The following CADPS variants were observed in gnomAD, a reference collection of about 807,000 sequenced individuals.
CADPS encodes the protein calcium dependent secretion activator, also known as calcium-dependent secretion activator 1.
In CADPS, 57 loss-of-function variants were observed where a neutral mutation model predicts 167.3. That is an observed-to-expected ratio of 0.34 (90% CI 0.28 to 0.42). The LOEUF is 0.42. Among genes scored for constraint, CADPS ranks in the 20% least tolerant of loss-of-function variants. CADPS has a pLI of 1.00. For missense variants in CADPS, 1,414 were observed against 1,738.1 expected, an observed-to-expected ratio of 0.81 and a Z score of 3.32; for synonymous variants, 676 against 635.3, an observed-to-expected ratio of 1.06 and a Z score of -0.96.
chr3:62,813,306 A>G (rs2094468669), intron 1 of CADPS, among the ~76,000 whole-genome samples: 1 of 152,046 alleles, frequency 6.6e-6, no homozygotes, highest in Non-Finnish European at 1.5e-5. Flanking sequence ...CCAGAAATAA[A>G]GCCACACACC....
chr3:62,452,671 A>G (rs531620926), intron 26 of CADPS, among the ~76,000 whole-genome samples: 1 of 152,330 alleles, frequency 6.6e-6, no homozygotes, highest in South Asian at 2.1e-4. Flanking sequence ...GGTACAGCTT[A>G]AAGTTATAAT....
At chr3:62,498,049 G>A (rs541154509) in intron 18 of CADPS, 1 of 452,864 alleles carries the variant, frequency 2.2e-6, no homozygotes, top group African/African-American at 2.0e-5. Flanking sequence ...TTAGAAAGCA[G>A]GAGCACCAGG....
intron 27 of CADPS, among the ~76,000 whole-genome samples, chr3:62,441,469 A>G (rs1368538072): frequency 6.6e-6 from 1 of 152,176 alleles, no homozygotes; most frequent in Non-Finnish European, 1.5e-5. Context: ...AATCTCCTAC[A>G]TATACCAATG....
In CADPS at chr3:62,544,762, G is replaced by T; in HGVS notation, c.1966+5141C>A. 4.9e-6 allele frequency: 3 copies of T among 608,910 alleles called. No homozygotes were observed. Among genetic ancestry groups the T allele is most frequent in the East Asian group, 1.1e-4 (1 of 8,856 alleles). The allele number at this position is 608,910 out of a possible 1,614,324, so 37.7% of individuals were successfully genotyped here. A position where few individuals can be genotyped will look rare whatever the true frequency, so the allele number is the denominator to read the frequency against. On this transcript the variant is annotated intron_variant, in intron 11 of 29. Coordinates refer to ENST00000383710, the MANE Select transcript of CADPS (RefSeq NM_003716.4). This position sits in a 1 kb window ranked among gnomAD's most constrained non-coding sequence, Gnocchi z 4.4. The stretch of plus-strand genomic sequence containing the variant: ...TACTACAAATTCTAGACATGAGGAA[G>T]ATTTAAGGGGGAGGGAAGCACATTG...
At chr3:62,712,161 T>C (rs1261430171) in intron 3 of CADPS, among the ~76,000 whole-genome samples, 1 of 152,240 alleles carries the variant, frequency 6.6e-6, no homozygotes, top group Non-Finnish European at 1.5e-5. Flanking sequence ...ATAATGTATA[T>C]TTGTGTATAT....
chr3:62,644,397 G>T (rs2068079034), intron 6 of CADPS, among the ~76,000 whole-genome samples: 1 of 152,162 alleles, frequency 6.6e-6, no homozygotes, highest in African/African-American at 2.4e-5. Context: ...TTTGAGGCCT[G>T]AGAGTCTACT....
At chr3:62,705,757 C>T (rs1322288433) in intron 3 of CADPS, among the ~76,000 whole-genome samples, 1 of 152,096 alleles carries the variant, frequency 6.6e-6, no homozygotes, top group Non-Finnish European at 1.5e-5. Context: ...TGTGGGACCT[C>T]ACCTTTGTGA....
At chr3:62,839,033 T>C (rs1035761945) in intron 1 of CADPS, among the ~76,000 whole-genome samples, 5 of 152,194 alleles carry the variant, frequency 3.3e-5, no homozygotes, top group Non-Finnish European at 7.3e-5. Context: ...TAAACACAGA[T>C]AATTATAATT....
chr3:62,548,119 G>A (rs1233565041), intron 11 of CADPS, among the ~76,000 whole-genome samples: 1 of 151,922 alleles, frequency 6.6e-6, no homozygotes, highest in African/African-American at 2.4e-5. Flanking sequence ...TCTGATACAG[G>A]GGGTAACTTC....
intron 1 of CADPS, among the ~76,000 whole-genome samples, chr3:62,869,110 C>T (rs978286788): frequency 2.0e-5 from 3 of 152,016 alleles, no homozygotes; most frequent in African/African-American, 7.2e-5. Flanking sequence ...ATCTGAAATC[C>T]AAAGTGCTTC....
At position 62,444,398 on chromosome 3, in the gene CADPS, C is replaced by G. The variant is rs2056871322; in HGVS notation, c.3669+1367G>C. On this transcript the variant is annotated intron_variant, in intron 27 of 29. Transcript: ENST00000383710. ...GCTGGATGTTCTATGTATGTTGTGT[C>G]ATTTAATTTGCACAGCAAACCCATG... Among the ~76,000 whole-genome samples, 4 of 152,310 alleles carry G rather than the reference C, an allele frequency of 2.6e-5. No homozygotes were observed. The South Asian group carries it at 8.3e-4, about 32-fold the overall frequency.
chr3:62,553,023 A>C (rs114405476), intron 10 of CADPS, among the ~76,000 whole-genome samples: 1,585 of 152,322 alleles, frequency 0.01, 33 homozygotes, highest in African/African-American at 0.036. Flanking sequence ...TTTAAGCCTG[A>C]AAAGTGAGCA....
chr3:62,825,645 G>A (rs2073905275), intron 1 of CADPS, among the ~76,000 whole-genome samples: 1 of 152,188 alleles, frequency 6.6e-6, no homozygotes, highest in Non-Finnish European at 1.5e-5. Flanking sequence ...AAATAATGGG[G>A]CTGAGATTTA....
intron 8 of CADPS, among the ~76,000 whole-genome samples, chr3:62,574,968 T>C (rs772748330): frequency 4.6e-5 from 7 of 152,198 alleles, no homozygotes; most frequent in Non-Finnish European, 7.3e-5. Context: ...CAAAGGGAAG[T>C]AGATGACTTC....
intron 8 of CADPS, among the ~76,000 whole-genome samples, chr3:62,584,033 C>A (rs1001385282): frequency 2.8e-5 from 4 of 140,840 alleles, no homozygotes; most frequent in African/African-American, 8.0e-5. Context: ...GAGATGGAGT[C>A]TCATTCTGTT....
At chr3:62,575,676 C>T (rs1321052366) in intron 8 of CADPS, among the ~76,000 whole-genome samples, 2 of 152,182 alleles carry the variant, frequency 1.3e-5, no homozygotes, top group Non-Finnish European at 2.9e-5. Flanking sequence ...TCAAAACAGC[C>T]TAACTCTAAA....
At chr3:62,651,122 A>G (rs751739252) in intron 4 of CADPS, 42 bp from the exon 5 acceptor site, 2 of 1,382,266 alleles carry the variant, frequency 1.4e-6, no homozygotes, top group Non-Finnish European at 2.0e-6. Context: ...GAGAAAATAG[A>G]AAGCTGATTT....
chr3:62,854,117 A>G (rs2079172921), intron 1 of CADPS, among the ~76,000 whole-genome samples: 1 of 152,218 alleles, frequency 6.6e-6, no homozygotes, highest in Admixed American at 6.5e-5. Flanking sequence ...GGAATGAACT[A>G]AAATGCAGAA....
At chr3:62,836,730 T>A (rs1033218559) in intron 1 of CADPS, among the ~76,000 whole-genome samples, 1 of 152,212 alleles carries the variant, frequency 6.6e-6, no homozygotes, top group Admixed American at 6.5e-5. Context: ...AGCTTCATCC[T>A]GAAGGCTGTG....
Sources: gnomAD v4.1 joint callset for allele counts (sites outside exome capture counted in the v4.1 genomes callset) on GRCh38, gnomAD v4.1.1 for gene constraint, Gnocchi (gnomAD v3.1) non-coding constraint, MANE v1.5 for transcripts, NCBI Gene and HGNC (gene_info 2026-07-23, HGNC 2026-07-21) for gene names.